The following RALYL variants were observed in gnomAD, a reference collection of about 807,000 sequenced individuals.
RALYL encodes the protein RNA-binding Raly-like protein.
Under a neutral mutation model 35.1 loss-of-function variants are expected in RALYL, and 29 were observed. The observed-to-expected ratio is 0.83, with a 90% CI of 0.61 to 1.13. The LOEUF (loss-of-function observed/expected upper bound fraction) is 1.13, where lower values mean the gene tolerates loss of function less well. Among genes scored for constraint, RALYL ranks in the 50% most tolerant of loss-of-function variants. The pLI, the probability that RALYL is intolerant of heterozygous loss-of-function variation, is 0.00. For missense variants in RALYL, 359 were observed against 360.4 expected (o/e 1.00, Z 0.03); for synonymous variants, 120 against 127.6 (o/e 0.94, Z 0.40).
intron 1 of RALYL, among the ~76,000 whole-genome samples, chr8:84,213,136 A>G (rs1289154776): frequency 6.6e-6 from 1 of 152,110 alleles, no homozygotes; most frequent in Non-Finnish European, 1.5e-5. Flanking sequence ...CATGCCTGTA[A>G]TCCCAGCACT....
intron 2 of RALYL, among the ~76,000 whole-genome samples, chr8:84,685,968 C>T (rs1016865066): frequency 1.3e-5 from 2 of 151,950 alleles, no homozygotes; most frequent in Admixed American, 6.6e-5. Context: ...TATAAAACAC[C>T]CAGTGAATGG....
chr8:84,600,338 T>C (rs924186903), intron 2 of RALYL, among the ~76,000 whole-genome samples: 10 of 152,092 alleles, frequency 6.6e-5, no homozygotes, highest in Non-Finnish European at 1.5e-4. Context: ...TCTTTATATA[T>C]AAATACAGAC....
At chr8:84,598,772 G>A (rs1428418133) in intron 2 of RALYL, among the ~76,000 whole-genome samples, 1 of 152,072 alleles carries the variant, frequency 6.6e-6, no homozygotes, top group Non-Finnish European at 1.5e-5. Flanking sequence ...TATGAATAAT[G>A]CTACAATAAA....
At position 84,360,327 on chromosome 8, in the gene RALYL, T is replaced by C. The variant is rs1045678599; in HGVS notation, c.-23-168972T>C. Among the ~76,000 whole-genome samples the C allele has an allele frequency of 2.0e-5, 3 of 152,226 alleles. No homozygotes were observed. The East Asian group carries it at 5.8e-4, about 29-fold the overall frequency. Reference sequence around the variant, plus strand: ...GTTGATGCTAAGTAAGCACTTGTGCTGGACAATAAATGTGAACATTTTGTA... The same window carrying C: ...GTTGATGCTAAGTAAGCACTTGTGCCGGACAATAAATGTGAACATTTTGTA... On this transcript the variant is annotated intron_variant, in intron 1 of 8. Coordinates refer to ENST00000521268, the MANE Select transcript of RALYL (RefSeq NM_173848.7).
chr8:84,764,904 T>C (rs1207958532), intron 2 of RALYL, among the ~76,000 whole-genome samples: 8 of 152,202 alleles, frequency 5.3e-5, no homozygotes, highest in Non-Finnish European at 1.0e-4. Context: ...TTGTAGAAGA[T>C]TGGCTCCAAT....
At chr8:84,904,034 A>G (rs1846102788) in intron 8 of RALYL, among the ~76,000 whole-genome samples, 1 of 152,220 alleles carries the variant, frequency 6.6e-6, no homozygotes, top group Non-Finnish European at 1.5e-5. Flanking sequence ...AAAGGGTTGC[A>G]GGCAGGCCGC....
chr8:84,567,638 A>G (rs2061877310), intron 2 of RALYL, among the ~76,000 whole-genome samples: 1 of 150,484 alleles, frequency 6.6e-6, no homozygotes, highest in Non-Finnish European at 1.5e-5. Flanking sequence ...TGACTTTGCT[A>G]TTGTGAATAG....
chr8:84,579,531 C>T (rs1364408077), intron 2 of RALYL, among the ~76,000 whole-genome samples: 6 of 152,194 alleles, frequency 3.9e-5, no homozygotes, highest in Admixed American at 3.3e-4. Flanking sequence ...CCTCTGTGCA[C>T]CCTGCATCTT....
chr8:84,322,838 C>T (rs551556214), intron 1 of RALYL, among the ~76,000 whole-genome samples: 64 of 152,194 alleles, frequency 4.2e-4, no homozygotes, highest in African/African-American at 1.5e-3. Context: ...TCTTGTTTTC[C>T]TCTGCAGGTC....
At chr8:84,449,547 A>G (rs772606803) in intron 1 of RALYL, among the ~76,000 whole-genome samples, 1 of 151,984 alleles carries the variant, frequency 6.6e-6, no homozygotes, top group Non-Finnish European at 1.5e-5. Flanking sequence ...GTGGTTCCCA[A>G]TCCTGGCTCC....
intron 2 of RALYL, among the ~76,000 whole-genome samples, chr8:84,757,058 A>G (rs1479540553): frequency 6.6e-6 from 1 of 152,154 alleles, no homozygotes; most frequent in African/African-American, 2.4e-5. Context: ...AAGAATTTGA[A>G]TTAAGGAGGA....
intron 1 of RALYL, among the ~76,000 whole-genome samples, chr8:84,403,527 T>TTTTTTTG (rs1254289959): frequency 2.4e-5 from 3 of 123,836 alleles, no homozygotes; most frequent in African/African-American, 1.2e-4. Context: ...TATCTCTGTT[T>TTTTTTTG]TTTTTTTTTT....
chr8:84,733,386 A>G lies in RALYL; in HGVS notation c.257-41193A>G, dbSNP rs561994367. 4.6e-5 allele frequency among the ~76,000 whole-genome samples: 7 copies of G among 152,302 alleles called. No individual in the cohort carries two copies. In the South Asian group the frequency reaches 1.4e-3, roughly 32 times the overall value. ...TAAAAAATAAAACTAGATGAACTGT[A>G]AGGTTCCTTTCCATTCTGACAGTCT... On this transcript the variant is annotated intron_variant, in intron 2 of 8. Transcript: ENST00000521268.
chr8:84,252,181 A>T (rs1461243424), intron 1 of RALYL, among the ~76,000 whole-genome samples: 3 of 152,094 alleles, frequency 2.0e-5, no homozygotes, highest in Non-Finnish European at 4.4e-5. Context: ...TGTGACAAAC[A>T]TTGAGAGAAA....
intron 1 of RALYL, among the ~76,000 whole-genome samples, chr8:84,334,995 G>T (rs1474148331): frequency 6.6e-6 from 1 of 152,064 alleles, no homozygotes; most frequent in African/African-American, 2.4e-5. Context: ...TCCCTCTATT[G>T]TACTTTATCC....
At chr8:84,783,474 G>A (rs1225953927) in intron 3 of RALYL, among the ~76,000 whole-genome samples, 3 of 152,126 alleles carry the variant, frequency 2.0e-5, no homozygotes, top group Non-Finnish European at 4.4e-5. Flanking sequence ...TCAAGTAAGA[G>A]GATTGACAGC....
intron 3 of RALYL, among the ~76,000 whole-genome samples, chr8:84,801,229 T>C (rs1823173542): frequency 6.6e-6 from 1 of 152,166 alleles, no homozygotes; most frequent in Non-Finnish European, 1.5e-5. Context: ...GCCCTATTAT[T>C]TCACCACAGA....
chr8:84,690,911 A>G (rs1356020685), intron 2 of RALYL, among the ~76,000 whole-genome samples: 1 of 152,096 alleles, frequency 6.6e-6, no homozygotes, highest in African/African-American at 2.4e-5. Context: ...TAAATTTATC[A>G]GTGAAGCAAA....
intron 3 of RALYL, among the ~76,000 whole-genome samples, chr8:84,777,767 G>A (rs1000057623): frequency 1.3e-5 from 2 of 151,876 alleles, no homozygotes; most frequent in African/African-American, 2.4e-5. Flanking sequence ...TCAGCCTCCC[G>A]AGTAGCTGGG....
Sources: gnomAD v4.1 joint callset for allele counts (sites outside exome capture counted in the v4.1 genomes callset) on GRCh38, gnomAD v4.1.1 for gene constraint, MANE v1.5 for transcripts, NCBI Gene and HGNC (gene_info 2026-07-23, HGNC 2026-07-21) for gene names.